Variants in VPS13D observed in about 807,000 individuals in gnomAD.
VPS13D encodes the protein vacuolar protein sorting 13 homolog D, also known as intermembrane lipid transfer protein VPS13D.
VPS13D carries 187 observed loss-of-function variants against 461.9 expected under a neutral mutation model. The observed-to-expected ratio is 0.40, with a 90% CI of 0.36 to 0.46. The LOEUF is 0.46. VPS13D is among the 20% of genes least tolerant of loss of function. The pLI is 0.60. For synonymous variants in VPS13D, 1,951 were observed against 1,986.3 expected (o/e 0.98, Z 0.47); for missense variants, 4,711 against 5,364.9 (o/e 0.88, Z 3.81).
In VPS13D at chr1:12,260,682, C is replaced by T. The variant is rs1263879859; in HGVS notation, c.1111-11C>T. On this transcript the variant is annotated splice_polypyrimidine_tract_variant and intron_variant, in intron 10 of 69. Coordinates refer to ENST00000620676, the MANE Select transcript of VPS13D (RefSeq NM_015378.4). ...GTTTTTGTTTATTTGCTTTTGTTTT[C>T]ACCCAAACAGGAGGAAATGTGTCGG... 2 of 1,612,798 alleles carry T rather than the reference C, an allele frequency of 1.2e-6. No individual in the cohort carries two copies. Among genetic ancestry groups the T allele is most frequent in the Non-Finnish European group, 1.7e-6 (2 of 1,178,894 alleles).
intron 67 of VPS13D, among the ~76,000 whole-genome samples, chr1:12,491,275 A>T (rs1330118545): frequency 2.0e-5 from 3 of 152,232 alleles, no homozygotes; most frequent in African/African-American, 7.2e-5. Flanking sequence ...CACATGTGTG[A>T]CATACACTTT....
At chr1:12,365,006 T>A (rs114511656) in intron 52 of VPS13D, among the ~76,000 whole-genome samples, 3,318 of 152,320 alleles carry the variant, frequency 0.022, 62 homozygotes, top group African/African-American at 0.038. Flanking sequence ...CAGCACTGTT[T>A]ATTGAAAAGA....
chr1:12,303,779 C>T (rs374516506), intron 25 of VPS13D, among the ~76,000 whole-genome samples: 27 of 152,234 alleles, frequency 1.8e-4, no homozygotes, highest in African/African-American at 6.3e-4. Flanking sequence ...CATGTAGCTC[C>T]GAGGCCTCCA....
chr1:12,249,164 T>C (rs1192277862), intron 5 of VPS13D, 59 bp from the exon 6 acceptor site: 1 of 1,386,686 alleles, frequency 7.2e-7, no homozygotes, highest in Non-Finnish European at 1.0e-6. Flanking sequence ...TCTTTTTTCT[T>C]TTCTTTGGAA....
In VPS13D at chr1:12,345,408, G is replaced by A; in HGVS notation, c.8920G>A (p.Val2974Met). ...TGACCTCCGGATTCATCAACTGCAA[G>A]TGAGAGTAAATGGCTGGGAGCAAGT... Reference protein sequence around the residue: ...THDLRIHQLQVRVNGWEQVSP... With the variant: ...THDLRIHQLQMRVNGWEQVSP... The change falls in exon 43 of 70, where the codon GTG (valine) becomes ATG (methionine). Residue 2974 changes from valine to methionine, a missense_variant. By Grantham distance (21) the Val-to-Met change is conservative. Transcript: ENST00000620676. 1 of 1,613,706 alleles carries A rather than the reference G, an allele frequency of 6.2e-7. No individual in the cohort carries two copies. The highest frequency in any genetic ancestry group is 8.5e-7 in the Non-Finnish European group (1 of 1,179,626).
chr1:12,305,632 G>T (rs1040166504), intron 26 of VPS13D, among the ~76,000 whole-genome samples: 1 of 152,138 alleles, frequency 6.6e-6, no homozygotes, highest in African/African-American at 2.4e-5. Context: ...TCATGTGCCC[G>T]ATAAGTGGGA....
intron 47 of VPS13D, among the ~76,000 whole-genome samples, chr1:12,355,035 G>T (rs1431836237): frequency 2.0e-5 from 3 of 152,236 alleles, no homozygotes; most frequent in African/African-American, 7.2e-5. Context: ...CAAAAAGGAA[G>T]TGACGTACAG....
chr1:12,333,964 T>A (rs1643391073), intron 38 of VPS13D, among the ~76,000 whole-genome samples: 1 of 152,238 alleles, frequency 6.6e-6, no homozygotes, highest in African/African-American at 2.4e-5. Context: ...AATCAAGTAG[T>A]GTGTACCTTC....
At chr1:12,406,983 A>G (rs1644665126) in intron 63 of VPS13D, among the ~76,000 whole-genome samples, 2 of 152,216 alleles carry the variant, frequency 1.3e-5, no homozygotes, top group South Asian at 4.1e-4. Context: ...GACACTATTT[A>G]AAAAGCCTAA....
At chr1:12,355,177 C>T (rs552234550) in intron 47 of VPS13D, among the ~76,000 whole-genome samples, 2 of 152,304 alleles carry the variant, frequency 1.3e-5, no homozygotes, top group South Asian at 2.1e-4. Context: ...CAAGACTCAG[C>T]TGTTGTTACA....
intron 35 of VPS13D, among the ~76,000 whole-genome samples, chr1:12,324,177 G>A (rs962700729): frequency 2.6e-5 from 4 of 152,104 alleles, no homozygotes; most frequent in Admixed American, 6.5e-5. Context: ...CCAAAATGCC[G>A]GGATGACAGG....
chr1:12,321,901 T>G lies in VPS13D; in HGVS notation c.7641T>G (p.Ser2547=). 1.2e-6 allele frequency: 2 copies of G among 1,613,870 alleles called. No homozygotes were observed. Among genetic ancestry groups the G allele is most frequent in the African/African-American group, 1.3e-5 (1 of 75,052 alleles). The change falls in exon 33 of 70, where the codon TCT becomes TCG. Residue 2547 remains serine (S), a synonymous_variant. Coordinates refer to ENST00000620676, the MANE Select transcript of VPS13D (RefSeq NM_015378.4). ...AAATGGAGTTGGTGGGGAATTCTTC[T>G]TATCAAAATAGTTCAGGATTGATGG... ...QIQMELVGNS[S]YQNSSGLMDA... is the part of the protein sequence containing the mutation.
rs758501437 is a variant in VPS13D at position 12,460,346 on chromosome 1, A to G, written c.12612A>G (p.Ala4204=). The G allele has an allele frequency of 1.2e-6, 2 of 1,613,000 alleles. No homozygotes were observed. Among genetic ancestry groups the G allele is most frequent in the South Asian group, 1.1e-5 (1 of 90,884 alleles). Residue 4204 remains alanine, a synonymous_variant, in exon 67 of 70, where the codon GCA becomes GCG. Transcript: ENST00000620676. ...CAGTGGCAGGCGCCCTGGATTTTGC[A>G]TCAGAAACAGCCCAGGCGGTGAGAG... The part of the protein sequence containing the change: ...TKPVAGALDF[A]SETAQAVRDT...
chr1:12,275,883 T>C lies in VPS13D; in HGVS notation c.2295T>C (p.Asp765=). Residue 765 remains aspartate (D), a synonymous_variant, in exon 19 of 70, where the codon GAT becomes GAC. Coordinates refer to ENST00000620676, the MANE Select transcript of VPS13D (RefSeq NM_015378.4). ...GSASEETQFS[D]DEYKTPLATP... is the part of the protein sequence containing the mutation. ...CATCTGAAGAGACCCAGTTTAGTGA[T>C]GATGAATATAAGACCCCCCTGGCCA... The C allele has an allele frequency of 6.2e-7, 1 of 1,613,562 alleles. No homozygotes were observed.
chr1:12,275,841 A>G lies in VPS13D; in HGVS notation c.2253A>G (p.Lys751=), dbSNP rs1641594577. The G allele has an allele frequency of 6.3e-7, 1 of 1,583,474 alleles. No individual in the cohort carries two copies. The highest frequency in any genetic ancestry group is 1.9e-5 in the Admixed American group (1 of 52,800). ...TATCTTCAGATAACTCCAGGAGGAAAAGTAGGGATGGGTCAGCATCTGAAG... is the reference window on the plus strand; with the variant it reads ...TATCTTCAGATAACTCCAGGAGGAAGAGTAGGGATGGGTCAGCATCTGAAG... ...LTNTQDNSRR[K]SRDGSASEET... is the part of the protein sequence containing the mutation. Residue 751 remains lysine, a synonymous_variant, in exon 19 of 70, where the codon AAA becomes AAG. Transcript: ENST00000620676.
intron 63 of VPS13D, among the ~76,000 whole-genome samples, chr1:12,410,291 G>A (rs952308483): frequency 6.6e-6 from 1 of 152,168 alleles, no homozygotes; most frequent in African/African-American, 2.4e-5. Context: ...TGGAGGAATG[G>A]CATTGGTTTT....
At chr1:12,417,015 A>G (rs1475955933) in intron 65 of VPS13D, among the ~76,000 whole-genome samples, 188 bp downstream of exon 65, 1 of 151,776 alleles carries the variant, frequency 6.6e-6, no homozygotes, top group African/African-American at 2.4e-5. Flanking sequence ...CCTCTGAAAT[A>G]CCTCTTCCTC....
At chr1:12,468,716 A>C (rs976809322) in intron 67 of VPS13D, among the ~76,000 whole-genome samples, 2 of 152,264 alleles carry the variant, frequency 1.3e-5, no homozygotes, top group Non-Finnish European at 2.9e-5. Flanking sequence ...AGATTGAATT[A>C]GTAAAACATT....
At chr1:12,467,136 C>A (rs879780949) in intron 67 of VPS13D, among the ~76,000 whole-genome samples, 22 of 152,080 alleles carry the variant, frequency 1.4e-4, no homozygotes, top group Non-Finnish European at 2.6e-4. Context: ...TCACTTGGCT[C>A]TGAAATTAAG....
Sources: allele counts gnomAD v4.1 joint callset (sites outside exome capture counted in the v4.1 genomes callset), GRCh38; gene constraint gnomAD v4.1.1; transcripts MANE v1.5; gene names NCBI Gene and HGNC (gene_info 2026-07-23, HGNC 2026-07-21).